The following CRTAM variants were observed in gnomAD, a reference collection of about 807,000 sequenced individuals.
CRTAM encodes cytotoxic and regulatory T-cell molecule.
Under a neutral mutation model 50.0 loss-of-function variants are expected in CRTAM, and 44 were observed. That is an observed-to-expected ratio of 0.88 (90% CI 0.69 to 1.13). The LOEUF is 1.13. Among genes scored for constraint, CRTAM ranks in the 50% most tolerant of loss-of-function variants. The pLI is 0.00. For synonymous variants in CRTAM, 159 were observed against 169.3 expected, an observed-to-expected ratio of 0.94 and a Z score of 0.47; for missense variants, 448 against 457.5, an observed-to-expected ratio of 0.98 and a Z score of 0.19.
intron 5 of CRTAM, among the ~76,000 whole-genome samples, chr11:122,859,143 C>T (rs1049207224): frequency 6.6e-5 from 10 of 152,024 alleles, no homozygotes; most frequent in Non-Finnish European, 1.5e-4. Flanking sequence ...ATGGAGTGCA[C>T]TTATTTTTTG....
intron 5 of CRTAM, among the ~76,000 whole-genome samples, chr11:122,860,707 C>T (rs1335968035): frequency 2.6e-5 from 4 of 152,078 alleles, no homozygotes; most frequent in Non-Finnish European, 4.4e-5. Context: ...TGTCCTTCTT[C>T]TTTTTTAAAA....
chr11:122,863,321 AAAAG>A (rs137934573), intron 6 of CRTAM, among the ~76,000 whole-genome samples: 6,382 of 103,514 alleles, frequency 0.062, 447 homozygotes, highest in African/African-American at 0.18. Flanking sequence ...GAAAGAAAGA[AAAAG>A]AAAGAAAGAA....
At chr11:122,860,856 C>A (rs1862062331) in intron 5 of CRTAM, among the ~76,000 whole-genome samples, 2 of 152,124 alleles carry the variant, frequency 1.3e-5, no homozygotes, top group South Asian at 4.2e-4. Flanking sequence ...AGGGGCGCAC[C>A]ACCATGCCCA....
rs1861932018 is a variant in CRTAM at position 122,851,720 on chromosome 11, T to C, written c.221T>C (p.Leu74Pro). Residue 74 changes from leucine (L) to proline (P), a missense_variant, in exon 3 of 10, where the codon CTT becomes CCT. Physicochemically the swap from Leu to Pro is moderately conservative, Grantham distance 98 (BLOSUM62 -3). Coordinates refer to ENST00000227348, the MANE Select transcript of CRTAM (RefSeq NM_019604.4). ...PALKNSKYQL[L>P]HHSANQLSIT... ...TTAAAAAATTCCAAATACCAGCTTC[T>C]TCATCACTCGGCCAATCAGCTCTCC... is the stretch of plus-strand genomic sequence containing the variant. 1 of 1,614,160 alleles carries C rather than the reference T, an allele frequency of 6.2e-7. No individual in the cohort carries two copies. Among genetic ancestry groups the C allele is most frequent in the African/African-American group, 1.3e-5 (1 of 75,054 alleles).
chr11:122,851,532 G>A (rs1406599158), intron 2 of CRTAM, among the ~76,000 whole-genome samples, 161 bp from the exon 3 acceptor site: 1 of 152,160 alleles, frequency 6.6e-6, no homozygotes, highest in African/African-American at 2.4e-5. Context: ...TTCCCCACCC[G>A]GAATGATCTT....
intron 6 of CRTAM, among the ~76,000 whole-genome samples, chr11:122,863,469 A>C (rs1458531490): frequency 6.6e-6 from 1 of 152,206 alleles, no homozygotes; most frequent in Non-Finnish European, 1.5e-5. Flanking sequence ...CATTTCATGT[A>C]ATGTGTCAAT....
chr11:122,867,869 G>A (rs1862199763), intron 8 of CRTAM, 144 bp from the exon 9 acceptor site: 1 of 637,900 alleles, frequency 1.6e-6, no homozygotes, highest in East Asian at 2.7e-5. Context: ...CAAAAACTAT[G>A]TGTTGAATTA....
At chr11:122,862,020 A>G (rs1252488596) in intron 5 of CRTAM, among the ~76,000 whole-genome samples, 1 of 110,042 alleles carries the variant, frequency 9.1e-6, no homozygotes. Context: ...CAGATAAGAG[A>G]AAAAAAAGTG....
intron 7 of CRTAM, 73 bp from the exon 8 acceptor site, chr11:122,867,336 T>C: frequency 7.7e-7 from 1 of 1,304,308 alleles, no homozygotes; most frequent in Non-Finnish European, 1.1e-6. Context: ...AGAAGTATTG[T>C]TACATATTCT....
chr11:122,857,373 GC>G (rs752233663), intron 5 of CRTAM, among the ~76,000 whole-genome samples: 3 of 152,180 alleles, frequency 2.0e-5, no homozygotes, highest in Non-Finnish European at 4.4e-5. Flanking sequence ...GGAGGCTGAG[GC>G]ACAAGAATCG....
At position 122,872,128 on chromosome 11, in the gene CRTAM, CTG is replaced by C. The variant is rs1346969074; in HGVS notation, c.*731_*732del. Reference sequence around the variant, plus strand: ...CCAGCCTGGGCAACAGAGGGAGACTCTGTCTCAAAAAAAAAGAAGTTACTTCC... The same window carrying C: ...CCAGCCTGGGCAACAGAGGGAGACTCTCTCAAAAAAAAAGAAGTTACTTCC... On this transcript the variant is annotated 3_prime_UTR_variant, in exon 10 of 10. Transcript: ENST00000227348. 2.0e-5 allele frequency: 3 copies of C among 151,916 alleles called. No homozygotes were observed. Among genetic ancestry groups the C allele is most frequent in the African/African-American group, 7.3e-5 (3 of 41,312 alleles). The allele number at this position is 151,916 out of a possible 1,614,324, so 9.4% of individuals were successfully genotyped here. A position where few individuals can be genotyped will look rare whatever the true frequency, so the allele number is the denominator to read the frequency against.
chr11:122,863,411 AC>A (rs1457108183), intron 6 of CRTAM, among the ~76,000 whole-genome samples: 1 of 152,120 alleles, frequency 6.6e-6, no homozygotes, highest in Non-Finnish European at 1.5e-5. Flanking sequence ...TTTGAGCAAG[AC>A]TATTAGCCTC....
rs972042742 is a variant in CRTAM, at chr11:122,864,488, A to C, written c.734-148A>C. The C allele has an allele frequency of 3.6e-5, 20 of 557,832 alleles. No individual in the cohort carries two copies. In the South Asian group the frequency reaches 4.7e-4, roughly 13 times the overall value. The allele number at this position is 557,832 out of a possible 1,614,324, so 34.6% of individuals were successfully genotyped here. Reference sequence around the variant, plus strand: ...CCTAGCCATTTGCAATTATGTTTGCAAGAAATCCATAGTTCACAAATGATC... The same window carrying C: ...CCTAGCCATTTGCAATTATGTTTGCCAGAAATCCATAGTTCACAAATGATC... On this transcript the variant is annotated intron_variant, in intron 6 of 9. Coordinates refer to ENST00000227348, the MANE Select transcript of CRTAM (RefSeq NM_019604.4).
chr11:122,840,452 C>T (rs769496933), intron 1 of CRTAM, among the ~76,000 whole-genome samples: 7 of 151,984 alleles, frequency 4.6e-5, no homozygotes, highest in East Asian at 3.9e-4. Context: ...CTAGTTGTGA[C>T]AGAAAATGTA....
At chr11:122,861,540 A>C (rs995114073) in intron 5 of CRTAM, among the ~76,000 whole-genome samples, 10 of 147,342 alleles carry the variant, frequency 6.8e-5, no homozygotes, top group African/African-American at 2.5e-4. Flanking sequence ...GGTTCAAGCA[A>C]TTCTCTTGCC....
intron 9 of CRTAM, among the ~76,000 whole-genome samples, chr11:122,869,536 T>C (rs574786831): frequency 2.0e-5 from 3 of 152,298 alleles, no homozygotes; most frequent in African/African-American, 4.8e-5. Context: ...GGTTGGGGAT[T>C]GTATTCTTGA....
At chr11:122,867,972 A>G (rs2135256116) in intron 8 of CRTAM, 41 bp from the exon 9 acceptor site, 2 of 1,178,600 alleles carry the variant, frequency 1.7e-6, no homozygotes, top group Non-Finnish European at 2.5e-6. Flanking sequence ...CTACATGTCC[A>G]TGGCATCAGA....
rs770786715 is a variant in CRTAM at position 122,855,869 on chromosome 11, A to C, written c.652+13A>C. 149 of 1,604,274 alleles carry C rather than the reference A, an allele frequency of 9.3e-5. No individual in the cohort carries two copies. Among genetic ancestry groups the C allele is most frequent in the Non-Finnish European group, 1.1e-4 (134 of 1,173,514 alleles). On this transcript the variant is annotated intron_variant, in intron 5 of 9. Coordinates refer to ENST00000227348, the MANE Select transcript of CRTAM (RefSeq NM_019604.4). ...TTTGAAGATTTGGGTAAGAAGAACT[A>C]ATGATTCTCTTGAATAATTTTTGAT...
chr11:122,864,720 G>A lies in CRTAM; in HGVS notation c.817+1G>A. On this transcript the variant is annotated splice_donor_variant, in intron 7 of 9. Coordinates refer to ENST00000227348, the MANE Select transcript of CRTAM (RefSeq NM_019604.4). LOFTEE classifies it high-confidence loss of function. The stretch of plus-strand genomic sequence containing the variant: ...ACTCAAGATCCTGACTTGACCACCG[G>A]TAAGTGTCACCCACTGCATTTAGAA... 3 of 1,602,570 alleles carry A rather than the reference G, an allele frequency of 1.9e-6. No individual in the cohort carries two copies. Among genetic ancestry groups the A allele is most frequent in the Middle Eastern group, 1.7e-4 (1 of 6,044 alleles).
Sources: gnomAD v4.1 joint callset for allele counts (sites outside exome capture counted in the v4.1 genomes callset) on GRCh38, gnomAD v4.1.1 for gene constraint, MANE v1.5 for transcripts, NCBI Gene and HGNC (gene_info 2026-07-23, HGNC 2026-07-21) for gene names.